PSG11: variants seen among roughly 807,000 people sequenced by gnomAD.
PSG11 encodes pregnancy-specific beta-1-glycoprotein 11.
Under a neutral mutation model 36.0 loss-of-function variants are expected in PSG11, and 42 were observed. The observed-to-expected ratio is 1.17, with a 90% CI of 0.91 to 1.51. The LOEUF (loss-of-function observed/expected upper bound fraction) is 1.51. Ranked by LOEUF, PSG11 falls within the 40% of genes most tolerant of loss-of-function variation. The pLI, the probability that PSG11 is intolerant of heterozygous loss-of-function variation, is 0.00. For synonymous variants in PSG11, 206 were observed against 153.5 expected, an observed-to-expected ratio of 1.34 and a Z score of -2.53; for missense variants, 558 against 403.5, an observed-to-expected ratio of 1.38 and a Z score of -3.28.
chr19:43,022,859 C>A (rs1324496441), intron 2 of PSG11, among the ~76,000 whole-genome samples: 1 of 150,498 alleles, frequency 6.6e-6, no homozygotes, highest in Non-Finnish European at 1.5e-5. Context: ...GTGGGCCAGG[C>A]CACAGTGTTA....
In PSG11 at chr19:43,015,839, C is replaced by T. The variant is rs1420611160; in HGVS notation, c.710-469G>A. The stretch of plus-strand genomic sequence containing the variant: ...TCCCGTATTTCACATTGATAGGGTC[C>T]TGTTTCATTTCTCGTGACACTGGGT... On this transcript the variant is annotated intron_variant, in intron 3 of 5. Transcript: ENST00000320078. 2.5e-6 allele frequency: 4 copies of T among 1,610,180 alleles called. No individual in the cohort carries two copies. In the Admixed American group the frequency reaches 5.0e-5, roughly 20 times the overall value.
intron 3 of PSG11, 182 bp downstream of exon 3, chr19:43,018,588 C>A (rs760075982): frequency 1.4e-6 from 2 of 1,408,370 alleles, no homozygotes; most frequent in Middle Eastern, 2.4e-4. Flanking sequence ...AGCCTCTTTT[C>A]TCCCACTGTG....
chr19:43,009,845 T>C (rs574918609), intron 5 of PSG11, 113 bp downstream of exon 5: 3 of 796,840 alleles, frequency 3.8e-6, no homozygotes, highest in Non-Finnish European at 4.2e-6. Context: ...AAGCAGGAGT[T>C]AGTGGATGAA....
At chr19:43,017,876 A>C (rs1416320058) in intron 3 of PSG11, among the ~76,000 whole-genome samples, 1 of 151,506 alleles carries the variant, frequency 6.6e-6, no homozygotes, top group Non-Finnish European at 1.5e-5. Flanking sequence ...TGTTAATGTG[A>C]ATTGAAATTC....
At chr19:43,021,605 C>A (rs1425181607) in intron 2 of PSG11, among the ~76,000 whole-genome samples, 3 of 151,366 alleles carry the variant, frequency 2.0e-5, no homozygotes, top group Non-Finnish European at 4.4e-5. Flanking sequence ...CCCAGTCTCC[C>A]AAAGTGCTGC....
intron 3 of PSG11, 174 bp downstream of exon 3, chr19:43,018,596 G>A (rs1599675858): frequency 1.4e-6 from 2 of 1,453,358 alleles, no homozygotes; most frequent in East Asian, 4.6e-5. Flanking sequence ...TTCTCCCACT[G>A]TGGATCAAGC....
chr19:43,025,044 T>C lies in PSG11; in HGVS notation c.77A>G (p.Asn26Ser), dbSNP rs555957903. The change falls in exon 2 of 6, where the codon AAC (asparagine) becomes AGC (serine). Residue 26 changes from asparagine (N) to serine (S), a missense_variant. Physicochemically the swap from Asn to Ser is conservative, Grantham distance 46. Coordinates refer to ENST00000320078, the MANE Select transcript of PSG11 (RefSeq NM_002785.3). ...GGCAGTGGTAGGCAAGTTCCAGAAG[T>C]TTAAAAGTAATGCTAGGAGGTGGAG... ...KGLLLTALLLNFWNLPTTAQV... is the reference protein window; with the variant it reads ...KGLLLTALLLSFWNLPTTAQV... 1.6e-5 allele frequency: 26 copies of C among 1,609,914 alleles called. 1 individual carries two copies. Among genetic ancestry groups the C allele is most frequent in the Non-Finnish European group, 8.5e-7 (1 of 1,177,932 alleles).
At position 43,018,886 on chromosome 19, in the gene PSG11, G is replaced by C. The variant is rs778211232; in HGVS notation, c.593C>G (p.Thr198Ser). ...PMTHRMQLSETNRTLFLFGVT... is the reference protein window; with the variant it reads ...PMTHRMQLSESNRTLFLFGVT... ...ACCAAATAGAAAGAGGGTCCTGTTGGTTTCAGACAGCTGCATCCTATGAGT... is the reference window on the plus strand; with the variant it reads ...ACCAAATAGAAAGAGGGTCCTGTTGCTTTCAGACAGCTGCATCCTATGAGT... Residue 198 changes from threonine (T) to serine (S), a missense_variant, in exon 3 of 6, where the codon ACC becomes AGC. Coordinates refer to ENST00000320078, the MANE Select transcript of PSG11 (RefSeq NM_002785.3). 19 of 1,612,088 alleles carry C rather than the reference G, an allele frequency of 1.2e-5. 1 individual carries two copies. Among genetic ancestry groups the C allele is most frequent in the Non-Finnish European group, 1.6e-5 (19 of 1,179,076 alleles).
chr19:43,020,215 AG>A (rs1227127947), intron 2 of PSG11, among the ~76,000 whole-genome samples: 1 of 151,488 alleles, frequency 6.6e-6, no homozygotes, highest in Non-Finnish European at 1.5e-5. Flanking sequence ...CTTCTTATGC[AG>A]AAAGGTTAAA....
chr19:43,014,892 C>A (rs896843653), intron 4 of PSG11: 41 of 1,403,462 alleles, frequency 2.9e-5, no homozygotes, highest in Middle Eastern at 2.6e-4. Flanking sequence ...AAAGCCCCCT[C>A]CCTACCTTTC....
intron 2 of PSG11, among the ~76,000 whole-genome samples, chr19:43,023,027 G>A (rs1459976162): frequency 1.3e-5 from 2 of 150,826 alleles, no homozygotes; most frequent in Admixed American, 6.6e-5. Context: ...AGACACCATG[G>A]CAGTGAGCAG....
rs375462400 is a variant in PSG11 at position 43,015,340 on chromosome 19, G to A, written c.740C>T (p.Ser247Leu). 1.2e-6 allele frequency: 2 copies of A among 1,610,636 alleles called. No homozygotes were observed. The highest frequency in any genetic ancestry group is 1.7e-6 in the Non-Finnish European group (2 of 1,177,800). Residue 247 changes from serine to leucine, a missense_variant, in exon 4 of 6, where the codon TCA (serine) becomes TTA (leucine). Coordinates refer to ENST00000320078, the MANE Select transcript of PSG11 (RefSeq NM_002785.3). ...HGPDLPRIFPSVTSYYSGENL... is the reference protein window; with the variant it reads ...HGPDLPRIFPLVTSYYSGENL... ...CTCTCCTGAATAGTAAGAGGTGACT[G>A]AAGGGAAAATTCTGGGGAGGTCTGG...
intron 4 of PSG11, among the ~76,000 whole-genome samples, chr19:43,010,902 T>TATATAC (rs923683114): frequency 2.0e-5 from 3 of 148,962 alleles, no homozygotes; most frequent in African/African-American, 7.5e-5. Flanking sequence ...TATATATATA[T>TATATAC]ATATATATAT....
Position 43,018,522 on chromosome 19 carries a change from A to C in PSG11, c.709+248T>G, listed in dbSNP as rs1029817798. The C allele has an allele frequency of 3.3e-5, 30 of 897,010 alleles. 1 individual carries two copies. Among genetic ancestry groups the C allele is most frequent in the South Asian group, 2.3e-4 (13 of 57,404 alleles). 55.6% of individuals were successfully genotyped at this position (897,010 alleles called of 1,614,324 possible). Reference sequence around the variant, plus strand: ...TGTTCACTGATCTGGAGCCTGAGACATTCACCTGTTTCTCCCATCACAATC... The same window carrying C: ...TGTTCACTGATCTGGAGCCTGAGACCTTCACCTGTTTCTCCCATCACAATC... On this transcript the variant is annotated intron_variant, in intron 3 of 5. Transcript: ENST00000320078.
intron 2 of PSG11, among the ~76,000 whole-genome samples, chr19:43,020,712 G>C (rs915928169): frequency 1.3e-5 from 2 of 151,232 alleles, no homozygotes; most frequent in Non-Finnish European, 2.9e-5. Context: ...AGAGAGTCCC[G>C]TTAAAAGGAC....
In PSG11 at chr19:43,015,175, G is replaced by A. The variant is rs1243597594; in HGVS notation, c.905C>T (p.Ser302Phe). ...TPKHNGLYAC[S>F]ARNSATGEES... The stretch of plus-strand genomic sequence containing the variant: ...CTCGCCAGTGGCTGAGTTACGAGCA[G>A]AGCAAGCATAGAGCCCATTATGCTT... The change falls in exon 4 of 6, where the codon TCT (serine) becomes TTT (phenylalanine). Residue 302 changes from serine to phenylalanine, a missense_variant. Coordinates refer to ENST00000320078, the MANE Select transcript of PSG11 (RefSeq NM_002785.3). 3.1e-6 allele frequency: 5 copies of A among 1,611,648 alleles called. No individual in the cohort carries two copies. Among genetic ancestry groups the A allele is most frequent in the Non-Finnish European group, 4.2e-6 (5 of 1,178,692 alleles).
intron 4 of PSG11, among the ~76,000 whole-genome samples, chr19:43,013,396 C>A (rs1288564528): frequency 6.6e-6 from 1 of 151,274 alleles, no homozygotes; most frequent in Non-Finnish European, 1.5e-5. Flanking sequence ...ACATGAAAAG[C>A]TACAAGTCAA....
In PSG11 at chr19:43,019,173, G is replaced by C. The variant is rs143209924; in HGVS notation, c.431-125C>G. ...CCGAGTCCCTAAAAGCCCATGGCAG[G>C]TGTGTGTGTTACAACACAGATGCAT... On this transcript the variant is annotated intron_variant, in intron 2 of 5. Coordinates refer to ENST00000320078, the MANE Select transcript of PSG11 (RefSeq NM_002785.3). 484 of 1,513,442 alleles carry C rather than the reference G, an allele frequency of 3.2e-4. 4 individuals carry two copies. The African/African-American group carries it at 6.1e-3, about 19-fold the overall frequency. The allele number at this position is 1,513,442 out of a possible 1,614,324, so 93.8% of individuals were successfully genotyped here. A position where few individuals can be genotyped will look rare whatever the true frequency, so the allele number is the denominator to read the frequency against.
At chr19:43,013,826 T>C (rs1966890031) in intron 4 of PSG11, among the ~76,000 whole-genome samples, 3 of 151,424 alleles carry the variant, frequency 2.0e-5, no homozygotes, top group Non-Finnish European at 2.9e-5. Flanking sequence ...CACTGATGTT[T>C]AGAGAAGCAT....
Sources: gnomAD v4.1 joint callset for allele counts (sites outside exome capture counted in the v4.1 genomes callset) on GRCh38, gnomAD v4.1.1 for gene constraint, MANE v1.5 for transcripts, NCBI Gene and HGNC (gene_info 2026-07-23, HGNC 2026-07-21) for gene names.